SLC26A9: variants seen among roughly 807,000 people sequenced by gnomAD.
SLC26A9 encodes the protein solute carrier family 26 member 9, also known as anion transporter/exchanger protein 9.
SLC26A9 carries 46 observed loss-of-function variants against 87.1 expected under a neutral mutation model. The ratio of observed to expected loss-of-function variants is 0.53; its 90% CI spans 0.42 to 0.67. The LOEUF is 0.67. SLC26A9 is among the 30% of genes least tolerant of loss of function. The pLI is 0.00. For synonymous variants in SLC26A9, 437 were observed against 409.1 expected (o/e 1.07, Z -0.82); for missense variants, 927 against 1,018.3 (o/e 0.91, Z 1.22).
chr1:205,918,395 C>T (rs1436716349), intron 19 of SLC26A9, among the ~76,000 whole-genome samples: 2 of 152,168 alleles, frequency 1.3e-5, no homozygotes, highest in Non-Finnish European at 2.9e-5. Flanking sequence ...CCCTCACCAG[C>T]CTGAAATCTC....
intron 18 of SLC26A9, among the ~76,000 whole-genome samples, chr1:205,919,763 G>T (rs981835286): frequency 6.6e-6 from 1 of 152,180 alleles, no homozygotes; most frequent in Non-Finnish European, 1.5e-5. Flanking sequence ...TTAGGGTACC[G>T]TGTGCTCTAT....
intron 5 of SLC26A9, 63 bp downstream of exon 5, chr1:205,931,797 G>A: frequency 6.4e-7 from 1 of 1,553,260 alleles, no homozygotes; most frequent in Non-Finnish European, 8.7e-7. Flanking sequence ...CAAAGCTAAG[G>A]CTTTGAGGGA....
Position 205,933,045 on chromosome 1 carries a change from C to G in SLC26A9, c.165G>C (p.Leu55=), listed in dbSNP as rs557351579. ...TGGGGAGCCAGGAGAGCACAGGCAG[C>G]AGCCCAAACACCACAGCTTTGATCT... The part of the protein sequence containing the change: ...SAKIKAVVFG[L]LPVLSWLPKY... The change falls in exon 3 of 21, where the codon CTG becomes CTC. Residue 55 remains leucine, a synonymous_variant. Transcript: ENST00000367135. 5.0e-6 allele frequency: 8 copies of G among 1,614,066 alleles called. No homozygotes were observed. In the Admixed American group the frequency reaches 8.3e-5, roughly 17 times the overall value.
At position 205,933,023 on chromosome 1, in the gene SLC26A9, G is replaced by A. The variant is rs1487859931; in HGVS notation, c.187C>T (p.Pro63Ser). ...ATGTAGTCTTTAATCTTGTACTTGG[G>A]GAGCCAGGAGAGCACAGGCAGCAGC... The part of the protein sequence containing the change: ...FGLLPVLSWL[P>S]KYKIKDYIIP... Residue 63 changes from proline to serine, a missense_variant, in exon 3 of 21, where the codon CCC becomes TCC. By Grantham distance (74) the Pro-to-Ser change is moderately conservative (BLOSUM62 -1). Coordinates refer to ENST00000367135, the MANE Select transcript of SLC26A9 (RefSeq NM_052934.4). 2.5e-6 allele frequency: 4 copies of A among 1,614,012 alleles called. No homozygotes were observed. The highest frequency in any genetic ancestry group is 3.4e-6 in the Non-Finnish European group (4 of 1,180,030).
At chr1:205,929,131 G>T (rs917771047) in intron 7 of SLC26A9, 73 bp downstream of exon 7, 2 of 1,566,612 alleles carry the variant, frequency 1.3e-6, no homozygotes, top group Non-Finnish European at 1.7e-6. Flanking sequence ...AGGGGATGGG[G>T]TGAGGAAAGG....
intron 16 of SLC26A9, among the ~76,000 whole-genome samples, chr1:205,922,567 T>G (rs891522902): frequency 6.6e-6 from 1 of 151,736 alleles, no homozygotes; most frequent in Non-Finnish European, 1.5e-5. Flanking sequence ...GCCTTGGGGG[T>G]TCAGTGGCTT....
Position 205,930,149 on chromosome 1 carries a change from C to T in SLC26A9, c.553-93G>A, listed in dbSNP as rs1558126186. Reference sequence around the variant, plus strand: ...CCACACACACGCAGGTCTGGAGCTCCGTGCAGTCCTAGCGTAGCAGTAGCT... The same window carrying T: ...CCACACACACGCAGGTCTGGAGCTCTGTGCAGTCCTAGCGTAGCAGTAGCT... On this transcript the variant is annotated intron_variant, in intron 5 of 20. Coordinates refer to ENST00000367135, the MANE Select transcript of SLC26A9 (RefSeq NM_052934.4). 9.4e-6 allele frequency: 13 copies of T among 1,379,638 alleles called. 1 individual carries two copies. In the East Asian group the frequency reaches 1.5e-4, roughly 16 times the overall value. 85.5% of individuals were successfully genotyped at this position (1,379,638 alleles called of 1,614,324 possible).
In SLC26A9 at chr1:205,935,960, G is replaced by A. The variant is rs1172918612; in HGVS notation, c.-18-122C>T. Reference sequence around the variant, plus strand: ...TTCTGGCCTTCCCCGCCCCGATAAAGCAAGGTGCCTCCCTTCCCTCTGTCA... The same window carrying A: ...TTCTGGCCTTCCCCGCCCCGATAAAACAAGGTGCCTCCCTTCCCTCTGTCA... On this transcript the variant is annotated intron_variant, in intron 1 of 20. Coordinates refer to ENST00000367135, the MANE Select transcript of SLC26A9 (RefSeq NM_052934.4). The A allele has an allele frequency of 5.8e-6, 7 of 1,202,158 alleles. No individual in the cohort carries two copies. The South Asian group carries it at 9.1e-5, about 16-fold the overall frequency. The allele number at this position is 1,202,158 out of a possible 1,614,324, so 74.5% of individuals were successfully genotyped here.
Position 205,917,264 on chromosome 1 carries a change from G to GC in SLC26A9, c.2328+18dup. ...TCTTCGCCCTGCTCCCACCCTCACA[G>GC]CCCCTTCCCTCAGCTCACCTGCTCT... On this transcript the variant is annotated intron_variant, in intron 20 of 20. Transcript: ENST00000367135. 6.2e-7 allele frequency: 1 copy of GC among 1,613,640 alleles called. No homozygotes were observed. The highest frequency in any genetic ancestry group is 8.5e-7 in the Non-Finnish European group (1 of 1,179,772).
In SLC26A9 at chr1:205,941,907, G is replaced by A. The variant is rs958357062; in HGVS notation, c.-19+1458C>T. On this transcript the variant is annotated intron_variant, in intron 1 of 20. Transcript: ENST00000367135. ...GCCTGGGCAAGGAGACCAGTGAAGG[G>A]CCCAGCTGCTCTGGTCCCAGAAATC... Among the ~76,000 whole-genome samples the A allele has an allele frequency of 4.5e-4, 69 of 152,298 alleles. 1 individual carries two copies. Among genetic ancestry groups the A allele is most frequent in the African/African-American group, 1.5e-3 (64 of 41,550 alleles).
At chr1:205,935,355 G>A (rs1397011844) in intron 2 of SLC26A9, among the ~76,000 whole-genome samples, 1 of 152,070 alleles carries the variant, frequency 6.6e-6, no homozygotes, top group Non-Finnish European at 1.5e-5. Context: ...TGGAGTAAGG[G>A]CTCTGATGCT....
In SLC26A9 at chr1:205,933,179, T is replaced by C. The variant is rs1659377766; in HGVS notation, c.126-95A>G. The C allele has an allele frequency of 2.6e-6, 4 of 1,528,772 alleles. No homozygotes were observed. The African/African-American group carries it at 4.1e-5, about 16-fold the overall frequency. 94.7% of individuals were successfully genotyped at this position (1,528,772 alleles called of 1,614,324 possible). A position where few individuals can be genotyped will look rare whatever the true frequency, so the allele number is the denominator to read the frequency against. The stretch of plus-strand genomic sequence containing the variant: ...ATCATATCCTGCTCATTTCATTCAT[T>C]GGTTCATTCAAAATTCACTGAACTG... On this transcript the variant is annotated intron_variant, in intron 2 of 20. Coordinates refer to ENST00000367135, the MANE Select transcript of SLC26A9 (RefSeq NM_052934.4).
chr1:205,941,523 G>C (rs1460742776), intron 1 of SLC26A9, among the ~76,000 whole-genome samples: 1 of 152,046 alleles, frequency 6.6e-6, no homozygotes, highest in Non-Finnish European at 1.5e-5. Flanking sequence ...TGTGTTTCCA[G>C]GGCAAATCTC....
chr1:205,932,999 T>C lies in SLC26A9; in HGVS notation c.211A>G (p.Ile71Val), dbSNP rs934738816. The C allele has an allele frequency of 1.2e-6, 2 of 1,614,036 alleles. No homozygotes were observed. Among genetic ancestry groups the C allele is most frequent in the Non-Finnish European group, 8.5e-7 (1 of 1,179,998 alleles). ...AGTCCACCGAGCAGGTCAGGAATGA[T>C]GTAGTCTTTAATCTTGTACTTGGGG... ...WLPKYKIKDY[I>V]IPDLLGGLSG... Residue 71 changes from isoleucine (I) to valine (V), a missense_variant, in exon 3 of 21, where the codon ATC (isoleucine) becomes GTC (valine). By Grantham distance (29) the Ile-to-Val change is conservative. Transcript: ENST00000367135.
intron 8 of SLC26A9, chr1:205,928,274 A>G (rs1659164946): frequency 3.4e-6 from 2 of 588,818 alleles, no homozygotes; most frequent in South Asian, 2.2e-5. Context: ...AACTTGCCCA[A>G]GGTCCCCGGG....
chr1:205,915,218 AG>A lies in SLC26A9; in HGVS notation c.*138del. Reference sequence around the variant, plus strand: ...CGGGGAGGGAAGGAAGGGAGGAGAGAGGGGGAGAGGAGAGAGGAACCCAAGC... The same window carrying A: ...CGGGGAGGGAAGGAAGGGAGGAGAGAGGGGAGAGGAGAGAGGAACCCAAGC... On this transcript the variant is annotated 3_prime_UTR_variant, in exon 21 of 21. Coordinates refer to ENST00000367135, the MANE Select transcript of SLC26A9 (RefSeq NM_052934.4). 6.2e-7 allele frequency: 1 copy of A among 1,606,002 alleles called. No homozygotes were observed. Among genetic ancestry groups the A allele is most frequent in the Non-Finnish European group, 8.5e-7 (1 of 1,175,154 alleles).
rs549525569 is a variant in SLC26A9 at position 205,942,733 on chromosome 1, C to T, written c.-19+632G>A. ...AGTCGGGCGTCCCAGGTCCAGCTAC[C>T]GCCCACCCGCCTGCCTGATGGAGCT... On this transcript the variant is annotated intron_variant, in intron 1 of 20. Transcript: ENST00000367135. 9.2e-5 allele frequency among the ~76,000 whole-genome samples: 14 copies of T among 152,302 alleles called. No individual in the cohort carries two copies. The South Asian group carries it at 2.7e-3, about 29-fold the overall frequency.
At chr1:205,915,517 CCTGTGTGTGTGTGTGT>C (rs972232341) in intron 20 of SLC26A9, 113 bp from the exon 21 acceptor site, 2 of 1,151,018 alleles carry the variant, frequency 1.7e-6, no homozygotes, top group African/African-American at 4.9e-5. Context: ...GAACAAAGCA[CCTGTGTGTGTGTGTGT>C]GTGTGTGTGT....
chr1:205,929,012 C>A, intron 7 of SLC26A9, 103 bp from the exon 8 acceptor site: 1 of 1,497,620 alleles, frequency 6.7e-7, no homozygotes, highest in Non-Finnish European at 9.3e-7. Flanking sequence ...AATCCCACTC[C>A]CCTGCCTCCT....
Sources: allele counts gnomAD v4.1 joint callset (sites outside exome capture counted in the v4.1 genomes callset), GRCh38; gene constraint gnomAD v4.1.1; transcripts MANE v1.5; gene names NCBI Gene and HGNC (gene_info 2026-07-23, HGNC 2026-07-21).